The following ACOXL variants were observed in gnomAD, a reference collection of about 807,000 sequenced individuals.
ACOXL encodes acyl-coenzyme A oxidase-like protein.
In ACOXL, 70 loss-of-function variants were observed where a neutral mutation model predicts 71.9. The ratio of observed to expected loss-of-function variants is 0.97; its 90% CI spans 0.80 to 1.19. ACOXL has a LOEUF of 1.19. ACOXL is among the 50% of genes most tolerant of loss of function. The pLI is 0.00. For synonymous variants in ACOXL, 253 were observed against 281.6 expected, an observed-to-expected ratio of 0.90 and a Z score of 1.02; for missense variants, 703 against 736.3, an observed-to-expected ratio of 0.95 and a Z score of 0.52.
At chr2:111,042,488 G>A (rs2065829619) in intron 15 of ACOXL, among the ~76,000 whole-genome samples, 1 of 152,256 alleles carries the variant, frequency 6.6e-6, no homozygotes, top group African/African-American at 2.4e-5. Flanking sequence ...CCCGAAGGTG[G>A]GGACGTGGCT....
At chr2:110,886,386 T>TTTC (rs1697297762) in intron 10 of ACOXL, among the ~76,000 whole-genome samples, 1 of 150,868 alleles carries the variant, frequency 6.6e-6, no homozygotes, top group Non-Finnish European at 1.5e-5. Flanking sequence ...TTTTCTTTTT[T>TTTC]TTTTTTTTTT....
intron 10 of ACOXL, among the ~76,000 whole-genome samples, chr2:110,869,726 C>G (rs778497738): frequency 6.6e-6 from 1 of 152,234 alleles, no homozygotes; most frequent in Non-Finnish European, 1.5e-5. Context: ...CTCCAGAGCC[C>G]ACACCCTGAG....
intron 17 of ACOXL, among the ~76,000 whole-genome samples, chr2:111,101,671 CT>C (rs1254589034): frequency 2.0e-5 from 3 of 147,014 alleles, no homozygotes; most frequent in Admixed American, 6.9e-5. Context: ...AAAAAAAAAA[CT>C]GTTTCCCTCA....
chr2:111,031,812 C>G, intron 15 of ACOXL, 98 bp downstream of exon 15: 2 of 1,213,326 alleles, frequency 1.6e-6, no homozygotes, highest in Non-Finnish European at 2.4e-6. Flanking sequence ...TCCCAACACA[C>G]AGGGAAGGGA....
intron 16 of ACOXL, among the ~76,000 whole-genome samples, chr2:111,073,452 T>C (rs2149938826): frequency 6.6e-6 from 1 of 152,296 alleles, no homozygotes; most frequent in African/African-American, 2.4e-5. Flanking sequence ...GAAGTTTAGG[T>C]CAAGATATGC....
At chr2:110,787,664 T>A (rs780535811) in intron 3 of ACOXL, among the ~76,000 whole-genome samples, 3 of 152,140 alleles carry the variant, frequency 2.0e-5, no homozygotes, top group Non-Finnish European at 4.4e-5. Flanking sequence ...TGCCCATGGG[T>A]CCTTGCAGGT....
At chr2:110,810,810 G>GT (rs1391006731) in intron 9 of ACOXL, among the ~76,000 whole-genome samples, 4 of 152,208 alleles carry the variant, frequency 2.6e-5, no homozygotes, top group African/African-American at 9.6e-5. Flanking sequence ...CCTGACACTG[G>GT]TTAATTTATA....
At chr2:110,760,371 C>T (rs932875324) in intron 1 of ACOXL, among the ~76,000 whole-genome samples, 1 of 152,114 alleles carries the variant, frequency 6.6e-6, no homozygotes, top group Admixed American at 6.6e-5. Flanking sequence ...GTCTCGATCT[C>T]CTGACCTCGT....
chr2:110,784,353 G>A (rs1044496683), intron 2 of ACOXL, among the ~76,000 whole-genome samples: 6 of 152,200 alleles, frequency 3.9e-5, no homozygotes, highest in Non-Finnish European at 8.8e-5. Flanking sequence ...GCACACATTG[G>A]AGGAGCTGGG....
At position 111,118,068 on chromosome 2, in the gene ACOXL, A is replaced by C. The variant is rs1317146018; in HGVS notation, c.*252A>C. On this transcript the variant is annotated 3_prime_UTR_variant, in exon 18 of 18. Coordinates refer to ENST00000439055, the MANE Select transcript of ACOXL (RefSeq NM_001142807.4). ...CTGAAACCCAGCCTGGCCTGACTGC[A>C]ACCTCTCCCAACTTCAGTGCCGGAT... The C allele has an allele frequency of 1.7e-6, 1 of 574,038 alleles. No individual in the cohort carries two copies. The highest frequency in any genetic ancestry group is 3.1e-6 in the Non-Finnish European group (1 of 323,012). The allele number at this position is 574,038 out of a possible 1,614,324, so 35.6% of individuals were successfully genotyped here.
At chr2:111,002,608 G>A (rs1179856779) in intron 14 of ACOXL, among the ~76,000 whole-genome samples, 1 of 152,096 alleles carries the variant, frequency 6.6e-6, no homozygotes, top group African/African-American at 2.4e-5. Flanking sequence ...GAACTAAATT[G>A]TACTTTTCCA....
At chr2:111,089,486 G>A (rs140830166) in intron 16 of ACOXL, among the ~76,000 whole-genome samples, 2 of 152,272 alleles carry the variant, frequency 1.3e-5, no homozygotes, top group African/African-American at 4.8e-5. Context: ...CAGCTGACAA[G>A]ACTTTACAAA....
chr2:110,829,002 G>C (rs1456397295), intron 9 of ACOXL, among the ~76,000 whole-genome samples: 1 of 152,054 alleles, frequency 6.6e-6, no homozygotes, highest in Non-Finnish European at 1.5e-5. Flanking sequence ...GTAGAGATAG[G>C]GTTTCTCCAT....
chr2:111,057,307 C>A (rs2066591791), intron 16 of ACOXL, among the ~76,000 whole-genome samples: 1 of 152,146 alleles, frequency 6.6e-6, no homozygotes, highest in African/African-American at 2.4e-5. Context: ...AAAATAGGGG[C>A]CCCAGACAGC....
chr2:110,852,226 G>A (rs1429891044), intron 10 of ACOXL, among the ~76,000 whole-genome samples: 2 of 152,180 alleles, frequency 1.3e-5, no homozygotes, highest in Non-Finnish European at 2.9e-5. Flanking sequence ...CTGGTGGATC[G>A]CTTGACAGTA....
intron 17 of ACOXL, among the ~76,000 whole-genome samples, chr2:111,103,448 G>A (rs761739827): frequency 6.6e-6 from 1 of 152,160 alleles, no homozygotes; most frequent in Non-Finnish European, 1.5e-5. Flanking sequence ...TCCTTTCCTG[G>A]ACAGCTAGTC....
At chr2:111,093,734 T>C (rs776754061) in intron 17 of ACOXL, 1 of 491,984 alleles carries the variant, frequency 2.0e-6, no homozygotes, top group Non-Finnish European at 3.6e-6. Context: ...CGTGGTGGCA[T>C]GTGGCTGTAG....
At chr2:110,775,751 C>A (rs1262668683) in intron 2 of ACOXL, among the ~76,000 whole-genome samples, 1 of 152,010 alleles carries the variant, frequency 6.6e-6, no homozygotes, top group African/African-American at 2.4e-5. Context: ...CAGAAAAGAA[C>A]AAGTGTTGGA....
intron 12 of ACOXL, chr2:110,967,811 G>A (rs1421827499): frequency 1.0e-5 from 9 of 864,864 alleles, no homozygotes; most frequent in Non-Finnish European, 1.7e-5. Flanking sequence ...TTGAGCCACG[G>A]ATGTGGGTCT....
Sources: gnomAD v4.1 joint callset for allele counts (sites outside exome capture counted in the v4.1 genomes callset) on GRCh38, gnomAD v4.1.1 for gene constraint, MANE v1.5 for transcripts, NCBI Gene and HGNC (gene_info 2026-07-23, HGNC 2026-07-21) for gene names.